Variants in ATXN1 observed in about 807,000 individuals in gnomAD.
ATXN1 encodes ataxin-1.
ATXN1 carries 8 observed loss-of-function variants against 56.4 expected under a neutral mutation model. The ratio of observed to expected loss-of-function variants is 0.14; its 90% CI spans 0.08 to 0.26. ATXN1 has a LOEUF of 0.26. ATXN1 is among the 10% of genes least tolerant of loss of function. The pLI is 1.00. For synonymous variants in ATXN1, 514 were observed against 494.6 expected (o/e 1.04, Z -0.52); for missense variants, 987 against 1,106.5 (o/e 0.89, Z 1.53).
At chr6:16,732,648 A>C (rs1416592526) in intron 2 of ATXN1, among the ~76,000 whole-genome samples, 2 of 152,198 alleles carry the variant, frequency 1.3e-5, no homozygotes, top group African/African-American at 4.8e-5. Context: ...CCCCAACACT[A>C]GTTCTATAAA....
chr6:16,437,329 C>A (rs1427785495), intron 6 of ATXN1, among the ~76,000 whole-genome samples: 1 of 152,222 alleles, frequency 6.6e-6, no homozygotes, highest in Non-Finnish European at 1.5e-5. Context: ...AGCACCACCC[C>A]CGTGGAAGGC....
chr6:16,585,421 ATACTC>A (rs1368875005), intron 4 of ATXN1, among the ~76,000 whole-genome samples: 1 of 152,190 alleles, frequency 6.6e-6, no homozygotes, highest in Non-Finnish European at 1.5e-5. Flanking sequence ...AAGAGGAACA[ATACTC>A]TTAATAATCT....
chr6:16,439,077 C>T (rs949564951), intron 6 of ATXN1, among the ~76,000 whole-genome samples: 1 of 151,898 alleles, frequency 6.6e-6, no homozygotes, highest in African/African-American at 2.4e-5. Flanking sequence ...ATTTAAACTG[C>T]ACAGGAAACA....
At position 16,433,373 on chromosome 6, in the gene ATXN1, G is replaced by A. The variant is rs369492943; in HGVS notation, c.-161+52599C>T. 1.1e-4 allele frequency among the ~76,000 whole-genome samples: 16 copies of A among 152,206 alleles called. No homozygotes were observed. In the South Asian group the frequency reaches 2.1e-3, roughly 20 times the overall value. On this transcript the variant is annotated intron_variant, in intron 6 of 7. Transcript: ENST00000436367. ...TGATACCTCAAATTTCACCTGGACC[G>A]CAACAGAAACAGCTGTTCAACATTA... is the stretch of plus-strand genomic sequence containing the variant.
chr6:16,329,239 T>C (rs1760923118), intron 6 of ATXN1, among the ~76,000 whole-genome samples: 1 of 152,108 alleles, frequency 6.6e-6, no homozygotes. Flanking sequence ...AGCTGGACCC[T>C]GCCCTCAGAG....
intron 3 of ATXN1, among the ~76,000 whole-genome samples, chr6:16,587,458 A>C (rs1393462647): frequency 6.6e-6 from 1 of 152,262 alleles, no homozygotes; most frequent in African/African-American, 2.4e-5. Context: ...GAATCACTGC[A>C]ACACAAAATG....
chr6:16,369,228 A>G (rs1206615014), intron 6 of ATXN1, among the ~76,000 whole-genome samples: 1 of 152,228 alleles, frequency 6.6e-6, no homozygotes, highest in Non-Finnish European at 1.5e-5. Context: ...TGCTTTCTAA[A>G]TATCCAAATG....
chr6:16,717,400 C>A (rs1044606081), intron 2 of ATXN1, among the ~76,000 whole-genome samples: 1 of 152,208 alleles, frequency 6.6e-6, no homozygotes, highest in Admixed American at 6.5e-5. Context: ...TGCCACTTAA[C>A]AGTCAACTCA....
At chr6:16,701,625 C>T (rs907661062) in intron 2 of ATXN1, among the ~76,000 whole-genome samples, 6 of 152,300 alleles carry the variant, frequency 3.9e-5, no homozygotes, top group South Asian at 4.1e-4. Context: ...TGATAAGCAA[C>T]GTCAGCAAAG....
intron 6 of ATXN1, among the ~76,000 whole-genome samples, chr6:16,332,312 C>A (rs1042155527): frequency 3.3e-5 from 5 of 152,116 alleles, no homozygotes; most frequent in African/African-American, 1.2e-4. Context: ...AGGATGGCAC[C>A]ACATTCCTGG....
Position 16,326,713 on chromosome 6 carries a change from A to G in ATXN1, c.1598T>C (p.Phe533Ser). ...VTTALPKSEN[F>S]NPEALVTQAA... ...CTGGGTGACCAGGGCCTCAGGGTTG[A>G]AGTTCTCGCTCTTGGGAAGGGCGGT... The change falls in exon 7 of 8, where the codon TTC becomes TCC. Residue 533 changes from phenylalanine to serine, a missense_variant. Transcript: ENST00000436367. This position sits in a 1 kb window ranked among gnomAD's most constrained non-coding sequence, Gnocchi z 6.6. 1 of 1,613,532 alleles carries G rather than the reference A, an allele frequency of 6.2e-7. No individual in the cohort carries two copies. The highest frequency in any genetic ancestry group is 8.5e-7 in the Non-Finnish European group (1 of 1,180,004).
At chr6:16,578,303 A>C (rs1192008428) in intron 4 of ATXN1, among the ~76,000 whole-genome samples, 1 of 152,200 alleles carries the variant, frequency 6.6e-6, no homozygotes, top group African/African-American at 2.4e-5. Flanking sequence ...ATTTCTAACT[A>C]TGTTGACAAA....
intron 3 of ATXN1, among the ~76,000 whole-genome samples, chr6:16,603,536 G>A (rs991184257): frequency 1.2e-4 from 18 of 152,218 alleles, no homozygotes; most frequent in African/African-American, 4.1e-4. Context: ...GTTTTAAGAC[G>A]AGCAGGTGAC....
At chr6:16,652,672 C>A (rs1758089105) in intron 3 of ATXN1, among the ~76,000 whole-genome samples, 1 of 152,210 alleles carries the variant, frequency 6.6e-6, no homozygotes, top group Non-Finnish European at 1.5e-5. Flanking sequence ...CTGGCTCTTG[C>A]CTTCTGCAAC....
At chr6:16,592,098 C>T (rs1371506323) in intron 3 of ATXN1, among the ~76,000 whole-genome samples, 2 of 152,048 alleles carry the variant, frequency 1.3e-5, no homozygotes, top group Non-Finnish European at 2.9e-5. Context: ...AAGACTCAAC[C>T]TCCCCACCAC....
Position 16,326,955 on chromosome 6 carries a change from G to C in ATXN1, c.1356C>G (p.Ala452=). The change falls in exon 7 of 8, where the codon GCC becomes GCG. Residue 452 remains alanine, a synonymous_variant. Coordinates refer to ENST00000436367, the MANE Select transcript of ATXN1 (RefSeq NM_001128164.2). The surrounding 1 kb of genome is among the most constrained non-coding windows in gnomAD (Gnocchi z 6.6). ...CAGGGGGTTGAGTCCCTGCGTAGAAGGCCGTGGCTGGCAGTCCCACCGGGA... is the reference window on the plus strand; with the variant it reads ...CAGGGGGTTGAGTCCCTGCGTAGAACGCCGTGGCTGGCAGTCCCACCGGGA... ...EPLPVGLPAT[A]FYAGTQPPVI... 1 of 1,614,158 alleles carries C rather than the reference G, an allele frequency of 6.2e-7. No individual in the cohort carries two copies. The highest frequency in any genetic ancestry group is 8.5e-7 in the Non-Finnish European group (1 of 1,180,030).
At chr6:16,644,313 G>C (rs978701743) in intron 3 of ATXN1, among the ~76,000 whole-genome samples, 1 of 152,052 alleles carries the variant, frequency 6.6e-6, no homozygotes, top group African/African-American at 2.4e-5. Context: ...TCAAGAGATC[G>C]AGACCATCCT....
intron 4 of ATXN1, among the ~76,000 whole-genome samples, chr6:16,542,233 A>G (rs1455080080): frequency 1.3e-5 from 2 of 152,194 alleles, no homozygotes; most frequent in African/African-American, 4.8e-5. Context: ...GGTTCTCTGC[A>G]CAGCCACACG....
At chr6:16,676,415 A>T (rs953885971) in intron 2 of ATXN1, among the ~76,000 whole-genome samples, 1 of 152,214 alleles carries the variant, frequency 6.6e-6, no homozygotes, top group African/African-American at 2.4e-5. Flanking sequence ...TTAACAGCCT[A>T]TGAAAACCAA....
Sources: gnomAD v4.1 joint callset for allele counts (sites outside exome capture counted in the v4.1 genomes callset) on GRCh38, gnomAD v4.1.1 for gene constraint, Gnocchi (gnomAD v3.1) non-coding constraint, MANE v1.5 for transcripts, NCBI Gene and HGNC (gene_info 2026-07-23, HGNC 2026-07-21) for gene names.